CNBD1: variants seen among roughly 807,000 people sequenced by gnomAD.
CNBD1 encodes cyclic nucleotide binding domain containing 1.
Under a neutral mutation model 54.4 loss-of-function variants are expected in CNBD1, and 71 were observed. The observed-to-expected ratio is 1.30, with a 90% CI of 1.08 to 1.59. CNBD1 has a LOEUF of 1.59. Ranked by LOEUF, CNBD1 falls within the 40% of genes most tolerant of loss-of-function variation. CNBD1 has a pLI of 0.00. For synonymous variants in CNBD1, 182 were observed against 170.7 expected (o/e 1.07, Z -0.51); for missense variants, 659 against 518.0 (o/e 1.27, Z -2.64).
intron 4 of CNBD1, among the ~76,000 whole-genome samples, chr8:87,183,834 C>T (rs919773439): frequency 1.3e-5 from 2 of 152,214 alleles, no homozygotes; most frequent in East Asian, 3.9e-4. Flanking sequence ...GCTGTATGCT[C>T]TAACCCTGGG....
intron 2 of CNBD1, among the ~76,000 whole-genome samples, chr8:87,416,035 G>T (rs183528392): frequency 4.6e-5 from 7 of 151,266 alleles, no homozygotes; most frequent in African/African-American, 1.7e-4. Flanking sequence ...ATTTCAAGGC[G>T]GAAAAAAGCT....
intron 10 of CNBD1, among the ~76,000 whole-genome samples, chr8:87,381,217 G>A (rs1000061469): frequency 9.2e-5 from 14 of 151,982 alleles, no homozygotes; most frequent in African/African-American, 1.7e-4. Flanking sequence ...TTTAAAAATA[G>A]GATAAAGACT....
At chr8:87,200,450 TA>T (rs1813834943) in intron 4 of CNBD1, among the ~76,000 whole-genome samples, 2 of 151,650 alleles carry the variant, frequency 1.3e-5, no homozygotes, top group South Asian at 4.2e-4. Flanking sequence ...AAATAGAGAA[TA>T]AAAAATGAAT....
At chr8:87,075,719 G>A (rs1006275173) in intron 4 of CNBD1, among the ~76,000 whole-genome samples, 1 of 152,144 alleles carries the variant, frequency 6.6e-6, no homozygotes, top group African/African-American at 2.4e-5. Flanking sequence ...TCCATGAGAT[G>A]AGCAGCAGGA....
chr8:87,227,050 C>G (rs1288589454), intron 5 of CNBD1, among the ~76,000 whole-genome samples: 3 of 151,112 alleles, frequency 2.0e-5, no homozygotes, highest in Non-Finnish European at 4.4e-5. Context: ...TTATCAGAGA[C>G]TAGGATTGCA....
At chr8:87,312,108 A>T (rs1244006073) in intron 8 of CNBD1, among the ~76,000 whole-genome samples, 2 of 152,128 alleles carry the variant, frequency 1.3e-5, no homozygotes, top group Non-Finnish European at 2.9e-5. Flanking sequence ...GAGAGTTGAA[A>T]TTATGAAAAA....
intron 4 of CNBD1, among the ~76,000 whole-genome samples, chr8:87,004,915 G>A (rs533618704): frequency 6.6e-6 from 1 of 152,132 alleles, no homozygotes; most frequent in Admixed American, 6.5e-5. Context: ...TAAAAAAATG[G>A]GTGGTGATAA....
At chr8:86,915,916 G>T (rs1487696990) in intron 3 of CNBD1, among the ~76,000 whole-genome samples, 1 of 152,090 alleles carries the variant, frequency 6.6e-6, no homozygotes, top group African/African-American at 2.4e-5. Flanking sequence ...TTAATCTAAG[G>T]TTCCATTTTC....
chr8:87,324,262 C>T (rs1809613358), intron 8 of CNBD1, among the ~76,000 whole-genome samples: 1 of 124,882 alleles, frequency 8.0e-6, no homozygotes, highest in African/African-American at 3.0e-5. Context: ...ATCTAAAATT[C>T]TCTTTTTTGG....
At chr8:87,410,268 C>T (rs953691734) in intron 2 of CNBD1, among the ~76,000 whole-genome samples, 7 of 152,172 alleles carry the variant, frequency 4.6e-5, no homozygotes, top group Non-Finnish European at 5.9e-5. Context: ...AAAGTAATTT[C>T]GATTTTCAAG....
intron 4 of CNBD1, among the ~76,000 whole-genome samples, chr8:87,009,044 A>G (rs1241482715): frequency 6.6e-6 from 1 of 151,658 alleles, no homozygotes; most frequent in Non-Finnish European, 1.5e-5. Flanking sequence ...GTTCTTTTTT[A>G]CTTTACCATT....
chr8:87,293,302 G>A (rs1808818865), intron 8 of CNBD1, among the ~76,000 whole-genome samples: 1 of 152,110 alleles, frequency 6.6e-6, no homozygotes, highest in African/African-American at 2.4e-5. Flanking sequence ...CTGGCACTTT[G>A]GGAGGCTGAG....
At chr8:87,198,124 C>A (rs1813759861) in intron 4 of CNBD1, among the ~76,000 whole-genome samples, 2 of 152,190 alleles carry the variant, frequency 1.3e-5, no homozygotes, top group African/African-American at 4.8e-5. Context: ...ACAAAAGTAG[C>A]AGAGCCTAGG....
At chr8:87,258,311 C>T (rs1263751958) in intron 6 of CNBD1, among the ~76,000 whole-genome samples, 4 of 152,090 alleles carry the variant, frequency 2.6e-5, no homozygotes, top group Non-Finnish European at 4.4e-5. Context: ...AAAACCTTTA[C>T]TCATTGATAA....
rs185724084 is a variant in CNBD1 at position 87,425,007 on chromosome 8, G to A, written c.214-3539G>A. Among the ~76,000 whole-genome samples, 656 of 152,136 alleles carry A rather than the reference G, an allele frequency of 4.3e-3. 8 individuals carry two copies. The highest frequency in any genetic ancestry group is 0.015 in the African/African-American group (626 of 41,504). On this transcript the variant is annotated intron_variant, in intron 2 of 7. Transcript: ENST00000521593. ...TCACATAGTCCCATATTTCTTGGAG[G>A]CTTTCCTCATTTCTTTTTATTCTTT...
chr8:87,364,117 T>C (rs80209465), intron 10 of CNBD1, among the ~76,000 whole-genome samples: 2,841 of 151,996 alleles, frequency 0.019, 90 homozygotes, highest in African/African-American at 0.062. Context: ...GTTTTGTTAA[T>C]GAGAAAACTA....
intron 8 of CNBD1, among the ~76,000 whole-genome samples, chr8:87,291,093 A>G (rs570093965): frequency 6.6e-6 from 1 of 152,202 alleles, no homozygotes; most frequent in Admixed American, 6.5e-5. Flanking sequence ...GAAATAGTCT[A>G]TGTCCTCTCA....
At chr8:87,267,098 G>A (rs1479465314) in intron 6 of CNBD1, among the ~76,000 whole-genome samples, 1 of 152,074 alleles carries the variant, frequency 6.6e-6, no homozygotes, top group Non-Finnish European at 1.5e-5. Context: ...GAAGATATCT[G>A]CATCATACAC....
chr8:87,330,231 C>CTTTTTTTTTTTT (rs3055413), intron 8 of CNBD1, among the ~76,000 whole-genome samples: 1 of 130,776 alleles, frequency 7.6e-6, no homozygotes, highest in African/African-American at 2.8e-5. Flanking sequence ...TTCCTTCTCT[C>CTTTTTTTTTTTT]TTTTTTTTTT....
Sources: allele counts gnomAD v4.1 joint callset (sites outside exome capture counted in the v4.1 genomes callset), GRCh38; gene constraint gnomAD v4.1.1; transcripts MANE v1.5; gene names NCBI Gene and HGNC (gene_info 2026-07-23, HGNC 2026-07-21).